BANF2: variants seen among roughly 807,000 people sequenced by gnomAD.
BANF2 encodes barrier-to-autointegration factor-like protein.
BANF2 carries 4 observed loss-of-function variants against 8.0 expected under a neutral mutation model. The observed-to-expected ratio is 0.50, with a 90% CI of 0.25 to 1.14. The LOEUF (loss-of-function observed/expected upper bound fraction) is 1.14, where lower values mean the gene tolerates loss of function less well. BANF2 is among the 50% of genes most tolerant of loss of function. BANF2 has a pLI of 0.16. For missense variants in BANF2, 96 were observed against 107.5 expected (o/e 0.89, Z 0.47); for synonymous variants, 50 against 40.6 (o/e 1.23, Z -0.88).
intron 1 of BANF2, among the ~76,000 whole-genome samples, chr20:17,707,878 C>T (rs1028878458): frequency 1.3e-5 from 2 of 151,882 alleles, no homozygotes; most frequent in Admixed American, 1.3e-4. Context: ...CTGCACCCAG[C>T]CCCAGCCAAG....
intron 1 of BANF2, among the ~76,000 whole-genome samples, chr20:17,705,427 G>A (rs991764583): frequency 4.6e-5 from 7 of 152,154 alleles, no homozygotes; most frequent in Admixed American, 3.3e-4. Context: ...AGGGGCTGTC[G>A]AATTAAAGAT....
chr20:17,694,712 A>G (rs1319626564), intron 1 of BANF2, among the ~76,000 whole-genome samples: 1 of 140,474 alleles, frequency 7.1e-6, no homozygotes, highest in African/African-American at 2.7e-5. Flanking sequence ...TTGACCTCCC[A>G]GGCTCAAGTG....
At chr20:17,728,564 G>A (rs2037845199) in intron 3 of BANF2, among the ~76,000 whole-genome samples, 1 of 152,018 alleles carries the variant, frequency 6.6e-6, no homozygotes, top group South Asian at 2.1e-4. Flanking sequence ...TTTTTTAATG[G>A]AGGATGTGGG....
intron 1 of BANF2, among the ~76,000 whole-genome samples, chr20:17,718,823 A>G (rs1282612924): frequency 6.6e-6 from 1 of 152,230 alleles, no homozygotes. Context: ...ATCTAAAACC[A>G]GAATTGTTTT....
intron 1 of BANF2, among the ~76,000 whole-genome samples, chr20:17,701,222 C>T (rs2037404242): frequency 2.6e-5 from 4 of 152,254 alleles, no homozygotes; most frequent in Admixed American, 1.3e-4. Context: ...GTAGAGGGGC[C>T]GGCGCTAGAG....
At chr20:17,703,740 CTTTTTTTT>C (rs373982840) in intron 1 of BANF2, among the ~76,000 whole-genome samples, 3 of 122,600 alleles carry the variant, frequency 2.4e-5, no homozygotes, top group East Asian at 2.2e-4. Context: ...AGTAGGCTGA[CTTTTTTTT>C]TTTTTTTTTT....
At chr20:17,732,133 C>T (rs2037907083) in intron 3 of BANF2, among the ~76,000 whole-genome samples, 2 of 152,070 alleles carry the variant, frequency 1.3e-5, no homozygotes, top group Non-Finnish European at 2.9e-5. Context: ...TTCCAGATGA[C>T]AAGAGCCAAG....
rs749634097 is a variant in BANF2, at chr20:17,700,069, A to C, written c.-167+14A>C. ...CAGGAGCACCTGGTGAGTATTCAGA[A>C]CTTTCCCAAGCAGCATGGAAGGAGA... On this transcript the variant is annotated intron_variant, in intron 1 of 3. Coordinates refer to ENST00000246090, the MANE Select transcript of BANF2 (RefSeq NM_178477.5). 5.3e-5 allele frequency: 50 copies of C among 936,662 alleles called. No homozygotes were observed. Among genetic ancestry groups the C allele is most frequent in the Non-Finnish European group, 6.4e-5 (50 of 785,446 alleles). The allele number at this position is 936,662 out of a possible 1,614,324, so 58.0% of individuals were successfully genotyped here. A position where few individuals can be genotyped will look rare whatever the true frequency, so the allele number is the denominator to read the frequency against.
intron 3 of BANF2, among the ~76,000 whole-genome samples, chr20:17,726,861 T>A (rs779329622): frequency 6.6e-5 from 10 of 152,254 alleles, no homozygotes; most frequent in Non-Finnish European, 1.3e-4. Flanking sequence ...AATTTCACCC[T>A]TTTTAGTACA....
intron 1 of BANF2, among the ~76,000 whole-genome samples, chr20:17,720,057 A>G (rs1360586442): frequency 2.0e-5 from 3 of 152,224 alleles, no homozygotes; most frequent in African/African-American, 2.4e-5. Context: ...TAATGAAATC[A>G]AACTCTGGAG....
intron 1 of BANF2, among the ~76,000 whole-genome samples, chr20:17,706,489 C>T (rs2037484137): frequency 6.6e-6 from 1 of 152,200 alleles, no homozygotes; most frequent in Non-Finnish European, 1.5e-5. Context: ...GGGCATGTTA[C>T]TAAACTGTCT....
Position 17,735,698 on chromosome 20 carries a change from C to G in BANF2, c.160C>G (p.His54Asp). ...YILLGQFLLM[H>D]KNEAEFQRWL... ...CCTGCTGGGACAATTCCTTCTGATGCACAAGAATGAAGCCGAGTTTCAGAG... is the reference window on the plus strand; with the variant it reads ...CCTGCTGGGACAATTCCTTCTGATGGACAAGAATGAAGCCGAGTTTCAGAG... Residue 54 changes from histidine to aspartate, a missense_variant, in exon 4 of 4, where the codon CAC (histidine) becomes GAC (aspartate). Physicochemically the swap from His to Asp is moderately conservative, Grantham distance 81. Coordinates refer to ENST00000246090, the MANE Select transcript of BANF2 (RefSeq NM_178477.5). 1.2e-6 allele frequency: 2 copies of G among 1,613,908 alleles called. No homozygotes were observed. The highest frequency in any genetic ancestry group is 1.1e-5 in the South Asian group (1 of 91,084).
upstream of BANF2, among the ~76,000 whole-genome samples, chr20:17,695,897 T>C (rs1355796855): frequency 6.6e-6 from 1 of 152,192 alleles, no homozygotes; most frequent in Non-Finnish European, 1.5e-5. Flanking sequence ...TTTTGTCTAT[T>C]CCAGGACTTC....
At chr20:17,695,495 G>A (rs1340194556), upstream of BANF2, among the ~76,000 whole-genome samples, 3 of 140,852 alleles carry the variant, frequency 2.1e-5, no homozygotes, top group Non-Finnish European at 4.6e-5. Context: ...TAAAATTTTG[G>A]TAAATTTAAG....
At chr20:17,732,280 T>C (rs1050302463) in intron 3 of BANF2, among the ~76,000 whole-genome samples, 23 of 152,168 alleles carry the variant, frequency 1.5e-4, no homozygotes, top group African/African-American at 5.1e-4. Context: ...TGGAGGGTGA[T>C]TCCTCCCCTG....
intron 1 of BANF2, among the ~76,000 whole-genome samples, chr20:17,703,495 C>A (rs1215510912): frequency 1.3e-5 from 2 of 152,220 alleles, no homozygotes. Flanking sequence ...GACAAAATAA[C>A]ATGAGCACAG....
chr20:17,701,940 G>A (rs2037415426), intron 1 of BANF2, among the ~76,000 whole-genome samples: 1 of 152,112 alleles, frequency 6.6e-6, no homozygotes, highest in Non-Finnish European at 1.5e-5. Context: ...TTATGATTCA[G>A]CCACCATTTA....
intron 1 of BANF2, among the ~76,000 whole-genome samples, chr20:17,704,643 G>A (rs1395137090): frequency 1.3e-5 from 2 of 152,166 alleles, no homozygotes; most frequent in East Asian, 1.9e-4. Context: ...CAGCCTTTAA[G>A]GCCTCTTCCT....
intron 1 of BANF2, among the ~76,000 whole-genome samples, chr20:17,694,003 C>T (rs1267157451): frequency 6.6e-6 from 1 of 152,220 alleles, no homozygotes; most frequent in Non-Finnish European, 1.5e-5. Flanking sequence ...GAACAAGCAG[C>T]ATTTGCCTCA....
Sources: allele counts gnomAD v4.1 joint callset (sites outside exome capture counted in the v4.1 genomes callset), GRCh38; gene constraint gnomAD v4.1.1; transcripts MANE v1.5; gene names NCBI Gene and HGNC (gene_info 2026-07-23, HGNC 2026-07-21).